The following DLGAP2 variants were observed in gnomAD, a reference collection of about 807,000 sequenced individuals.
The protein encoded by DLGAP2 is disks large-associated protein 2.
DLGAP2 carries 26 observed loss-of-function variants against 100.3 expected under a neutral mutation model. The ratio of observed to expected loss-of-function variants is 0.26; its 90% CI spans 0.19 to 0.36. The LOEUF is 0.36. Among genes scored for constraint, DLGAP2 ranks in the 10% least tolerant of loss-of-function variants. DLGAP2 has a pLI of 1.00. For synonymous variants in DLGAP2, 886 were observed against 630.1 expected (o/e 1.41, Z -6.08); for missense variants, 1,858 against 1,453.2 (o/e 1.28, Z -4.53).
chr8:1,617,085 T>C (rs1797179768), intron 6 of DLGAP2, among the ~76,000 whole-genome samples: 2 of 152,204 alleles, frequency 1.3e-5, no homozygotes, highest in Non-Finnish European at 2.9e-5. Context: ...TATGGCTGCA[T>C]AGTATTCCAC....
intron 2 of DLGAP2, among the ~76,000 whole-genome samples, chr8:1,126,423 G>T (rs529320758): frequency 1.6e-4 from 25 of 151,884 alleles, no homozygotes; most frequent in African/African-American, 6.0e-4. Flanking sequence ...GACACAGGCA[G>T]ATGAGGAGGG....
chr8:744,273 C>T (rs918232638), intron 1 of DLGAP2, among the ~76,000 whole-genome samples: 1 of 152,164 alleles, frequency 6.6e-6, no homozygotes, highest in East Asian at 1.9e-4. Flanking sequence ...TGTGCTCTGA[C>T]TGTTAGGGTG....
At chr8:1,586,951 A>G (rs890506378) in intron 6 of DLGAP2, among the ~76,000 whole-genome samples, 2 of 152,198 alleles carry the variant, frequency 1.3e-5, no homozygotes, top group East Asian at 3.8e-4. Context: ...TCTGACTAGA[A>G]TGGAGGTCTT....
At chr8:1,163,997 C>A (rs890792604) in intron 2 of DLGAP2, among the ~76,000 whole-genome samples, 1 of 152,228 alleles carries the variant, frequency 6.6e-6, no homozygotes, top group African/African-American at 2.4e-5. Context: ...ACTCAGTGTT[C>A]AGGGTTTTTC....
intron 3 of DLGAP2, among the ~76,000 whole-genome samples, chr8:1,477,049 G>C (rs1798953910): frequency 7.0e-6 from 1 of 143,034 alleles, no homozygotes; most frequent in South Asian, 2.8e-4. Context: ...TTCCTTCAGA[G>C]CAAAGCCTCC....
chr8:1,272,004 G>A (rs116138163), intron 3 of DLGAP2, among the ~76,000 whole-genome samples: 3,032 of 151,996 alleles, frequency 0.02, 118 homozygotes, highest in African/African-American at 0.069. Flanking sequence ...AGTAGAGATG[G>A]GATTTCACTA....
chr8:1,517,772 T>G (rs1039029490), intron 4 of DLGAP2, among the ~76,000 whole-genome samples: 1 of 152,196 alleles, frequency 6.6e-6, no homozygotes, highest in Non-Finnish European at 1.5e-5. Flanking sequence ...GAAGTCGATG[T>G]CCAGCTGCTT....
At chr8:1,382,851 A>G (rs1254268868) in intron 3 of DLGAP2, among the ~76,000 whole-genome samples, 2 of 152,232 alleles carry the variant, frequency 1.3e-5, no homozygotes, top group Non-Finnish European at 2.9e-5. Flanking sequence ...AAACTTTAGT[A>G]TATCCCCCCC....
At chr8:979,064 C>G (rs938040897) in intron 2 of DLGAP2, among the ~76,000 whole-genome samples, 10 of 152,072 alleles carry the variant, frequency 6.6e-5, no homozygotes, top group Non-Finnish European at 1.0e-4. Context: ...AGCATGCAGT[C>G]CGAATGCTAG....
chr8:1,443,730 C>T (rs1232871326), intron 3 of DLGAP2, among the ~76,000 whole-genome samples: 4 of 152,046 alleles, frequency 2.6e-5, no homozygotes, highest in Non-Finnish European at 5.9e-5. Flanking sequence ...AGACTTACTA[C>T]CATGAGAAGA....
rs189028779 is a variant in DLGAP2 at position 837,486 on chromosome 8, A to G, written c.19-70426A>G. Among the ~76,000 whole-genome samples the G allele has an allele frequency of 1.6e-3, 237 of 152,282 alleles. 5 individuals are homozygous for G. The highest frequency in any genetic ancestry group is 0.013 in the Admixed American group (205 of 15,304). On this transcript the variant is annotated intron_variant, in intron 1 of 14. Transcript: ENST00000637795. ...ATTATTTCTCAGAATCCTTCTTTTC[A>G]ACATTTTTATAGCGTGTTCATCACC...
intron 2 of DLGAP2, among the ~76,000 whole-genome samples, chr8:1,042,374 AACATGTT>A (rs1286483167): frequency 1.3e-5 from 2 of 152,196 alleles, no homozygotes; most frequent in Admixed American, 1.3e-4. Flanking sequence ...TTTCAGGAAA[AACATGTT>A]AGACGCAGAG....
At chr8:1,415,282 A>G (rs886965665) in intron 3 of DLGAP2, among the ~76,000 whole-genome samples, 2 of 152,128 alleles carry the variant, frequency 1.3e-5, no homozygotes, top group African/African-American at 4.8e-5. Context: ...GACTTTCTCT[A>G]GTGCGTCTTT....
chr8:1,251,574 C>G (rs1433611081), intron 2 of DLGAP2, among the ~76,000 whole-genome samples: 4 of 152,212 alleles, frequency 2.6e-5, no homozygotes, highest in African/African-American at 9.6e-5. Context: ...GCTGGGATTA[C>G]ACGTGCAAGC....
chr8:1,392,861 G>A (rs140391332), intron 3 of DLGAP2, among the ~76,000 whole-genome samples: 9 of 148,154 alleles, frequency 6.1e-5, no homozygotes, highest in South Asian at 4.5e-4. Flanking sequence ...GGAATGGGGC[G>A]TGTGTCTTTG....
At chr8:1,414,516 G>A (rs982457081) in intron 3 of DLGAP2, among the ~76,000 whole-genome samples, 4 of 152,204 alleles carry the variant, frequency 2.6e-5, no homozygotes, top group Admixed American at 6.5e-5. Context: ...GAGCAGAAGC[G>A]GAAGGTGGCG....
chr8:1,493,446 C>G (rs1323190549), intron 3 of DLGAP2, among the ~76,000 whole-genome samples: 4 of 152,168 alleles, frequency 2.6e-5, no homozygotes, highest in Non-Finnish European at 5.9e-5. Flanking sequence ...TTCAGACACG[C>G]CTCTGCGAGC....
At chr8:1,210,614 C>G (rs548748105) in intron 2 of DLGAP2, among the ~76,000 whole-genome samples, 6 of 152,280 alleles carry the variant, frequency 3.9e-5, no homozygotes, top group African/African-American at 1.4e-4. Flanking sequence ...TGGAGGGGCT[C>G]CCTCTGGGGC....
rs918934671 is a variant in DLGAP2, at chr8:1,303,288, T to G, written c.106+44405T>G. On this transcript the variant is annotated intron_variant, in intron 3 of 14. Transcript: ENST00000637795. ...GGCGGGCGCCTGTAGTCCCAGCTAC[T>G]CGGGAGGCTGAGGCAGGAGAATCGT... Among the ~76,000 whole-genome samples the G allele has an allele frequency of 2.4e-4, 36 of 151,654 alleles. 1 individual carries two copies. Among genetic ancestry groups the G allele is most frequent in the South Asian group, 2.1e-4 (1 of 4,794 alleles).
Sources: allele counts gnomAD v4.1 joint callset (sites outside exome capture counted in the v4.1 genomes callset), GRCh38; gene constraint gnomAD v4.1.1; transcripts MANE v1.5; gene names NCBI Gene and HGNC (gene_info 2026-07-23, HGNC 2026-07-21).